RNLS: variants seen among roughly 807,000 people sequenced by gnomAD.
RNLS encodes renalase, FAD dependent amine oxidase.
RNLS carries 39 observed loss-of-function variants against 39.8 expected under a neutral mutation model. That is an observed-to-expected ratio of 0.98 (90% CI 0.76 to 1.28). The LOEUF (loss-of-function observed/expected upper bound fraction) is 1.28, where lower values mean the gene tolerates loss of function less well. RNLS is among the 50% of genes most tolerant of loss of function. RNLS has a pLI of 0.00. For synonymous variants in RNLS, 147 were observed against 150.7 expected (o/e 0.98, Z 0.18); for missense variants, 410 against 413.3 (o/e 0.99, Z 0.07).
At chr10:88,332,309 T>G (rs1246658361) in intron 5 of RNLS, among the ~76,000 whole-genome samples, 1 of 152,276 alleles carries the variant, frequency 6.6e-6, no homozygotes, top group African/African-American at 2.4e-5. Flanking sequence ...TTTTACAGTT[T>G]TAATTGAAGA....
downstream of RNLS, among the ~76,000 whole-genome samples, chr10:88,280,609 G>C (rs1842976887): frequency 1.3e-5 from 2 of 152,060 alleles, no homozygotes; most frequent in African/African-American, 4.8e-5. Flanking sequence ...CAGGCCATAT[G>C]GTCTCTGTCA....
chr10:88,490,953 C>T (rs1225926477), intron 4 of RNLS, among the ~76,000 whole-genome samples: 4 of 152,062 alleles, frequency 2.6e-5, no homozygotes, highest in Admixed American at 6.6e-5. Flanking sequence ...TGTTACAAGT[C>T]TATGTTTATC....
At chr10:88,545,723 T>C (rs1848272239) in intron 4 of RNLS, among the ~76,000 whole-genome samples, 1 of 152,186 alleles carries the variant, frequency 6.6e-6, no homozygotes, top group African/African-American at 2.4e-5. Flanking sequence ...ACTGCTATTA[T>C]GTTAAAGGGT....
At chr10:88,561,117 A>T (rs1238772901) in intron 4 of RNLS, among the ~76,000 whole-genome samples, 1 of 152,142 alleles carries the variant, frequency 6.6e-6, no homozygotes, top group East Asian at 1.9e-4. Flanking sequence ...GAGTCTTCAA[A>T]ACCAAAGTGA....
chr10:88,311,666 C>T (rs950066391), intron 6 of RNLS, among the ~76,000 whole-genome samples: 7 of 152,228 alleles, frequency 4.6e-5, no homozygotes, highest in African/African-American at 1.7e-4. Context: ...AATTTAGAGT[C>T]TTAGGAGAAG....
chr10:88,362,395 T>C (rs1427658709), intron 5 of RNLS, among the ~76,000 whole-genome samples, 157 bp downstream of exon 5: 1 of 152,166 alleles, frequency 6.6e-6, no homozygotes, highest in Admixed American at 6.6e-5. Context: ...CACTGTGTAT[T>C]TTATTACTGG....
At chr10:88,200,439 G>A in the RNLS span, among the ~76,000 whole-genome samples, 1 of 152,114 alleles carries the variant, frequency 6.6e-6, no homozygotes, top group East Asian at 1.9e-4. Flanking sequence ...AAAGTGATGA[G>A]GCATAGATAC....
At chr10:88,387,365 C>T (rs74149714) in intron 4 of RNLS, among the ~76,000 whole-genome samples, 1 of 151,962 alleles carries the variant, frequency 6.6e-6, no homozygotes, top group Non-Finnish European at 1.5e-5. Context: ...GGCTTTCCAG[C>T]CAGAAGGAAT....
intron 6 of RNLS, among the ~76,000 whole-genome samples, chr10:88,313,071 G>A (rs1474229457): frequency 1.3e-5 from 2 of 152,128 alleles, no homozygotes; most frequent in East Asian, 3.8e-4. Flanking sequence ...CATTGCTAGG[G>A]TTTGGAGGTA....
chr10:88,199,186 A>G, the RNLS span, among the ~76,000 whole-genome samples: 1 of 152,168 alleles, frequency 6.6e-6, no homozygotes, highest in Non-Finnish European at 1.5e-5. Context: ...ACGTCCTCCA[A>G]TCTCAGAGTG....
intron 4 of RNLS, among the ~76,000 whole-genome samples, chr10:88,512,261 G>A (rs982674358): frequency 4.6e-5 from 7 of 152,092 alleles, no homozygotes; most frequent in African/African-American, 1.7e-4. Context: ...CAGTCTGTTT[G>A]CACCCTTTTA....
At chr10:88,248,419 G>T in the RNLS span, among the ~76,000 whole-genome samples, 6 of 152,246 alleles carry the variant, frequency 3.9e-5, no homozygotes, top group African/African-American at 1.4e-4. Context: ...GAATTAACTG[G>T]AAGCCTGGAG....
chr10:88,350,371 T>TC (rs1848601326), intron 5 of RNLS, among the ~76,000 whole-genome samples: 1 of 152,142 alleles, frequency 6.6e-6, no homozygotes, highest in African/African-American at 2.4e-5. Flanking sequence ...CCTAATGCTA[T>TC]CCCTCCCCCC....
intron 4 of RNLS, among the ~76,000 whole-genome samples, chr10:88,495,243 T>C (rs186977305): frequency 6.6e-6 from 1 of 152,296 alleles, no homozygotes; most frequent in Non-Finnish European, 1.5e-5. Flanking sequence ...CATGTTTTAC[T>C]TGTTGCAAAA....
At chr10:88,211,622 G>A in the RNLS span, among the ~76,000 whole-genome samples, 1 of 152,158 alleles carries the variant, frequency 6.6e-6, no homozygotes, top group African/African-American at 2.4e-5. Context: ...GTGAAGCCCA[G>A]GGGTGAGACA....
intron 4 of RNLS, among the ~76,000 whole-genome samples, chr10:88,506,663 CT>C (rs35914253): frequency 7.9e-5 from 12 of 151,982 alleles, no homozygotes; most frequent in Non-Finnish European, 1.6e-4. Flanking sequence ...CAAAAGATGT[CT>C]TTTTTCCAAC....
intron 4 of RNLS, among the ~76,000 whole-genome samples, chr10:88,404,036 C>G (rs192901626): frequency 6.6e-6 from 1 of 152,048 alleles, no homozygotes; most frequent in East Asian, 1.9e-4. Flanking sequence ...AGAGCAAGGC[C>G]TTGCCTACAG....
chr10:88,270,579 G>C (rs775668384), downstream of RNLS, among the ~76,000 whole-genome samples: 3 of 152,166 alleles, frequency 2.0e-5, no homozygotes, highest in Admixed American at 2.0e-4. Flanking sequence ...TGAGCAACTT[G>C]AGTCTGGTTC....
At chr10:88,557,464 G>A (rs1026039034) in intron 4 of RNLS, among the ~76,000 whole-genome samples, 16 of 152,086 alleles carry the variant, frequency 1.1e-4, no homozygotes, top group Admixed American at 1.3e-4. Flanking sequence ...GAAGAATGAC[G>A]GTCAGAAATG....
Sources: allele counts gnomAD v4.1 joint callset (sites outside exome capture counted in the v4.1 genomes callset), GRCh38; gene constraint gnomAD v4.1.1; transcripts MANE v1.5; gene names NCBI Gene and HGNC (gene_info 2026-07-23, HGNC 2026-07-21).